The following PPP1R37 variants were observed in gnomAD, a reference collection of about 807,000 sequenced individuals.
PPP1R37 encodes leucine rich repeat containing 68.
In PPP1R37, 21 loss-of-function variants were observed where a neutral mutation model predicts 61.0. That is an observed-to-expected ratio of 0.34 (90% CI 0.24 to 0.50). The LOEUF is 0.50. PPP1R37 is among the 20% of genes least tolerant of loss of function. The probability of loss-of-function intolerance (pLI) is 0.98; values close to 1 mark genes in which losing one functional copy is unlikely to be tolerated. For synonymous variants in PPP1R37, 443 were observed against 433.5 expected, an observed-to-expected ratio of 1.02 and a Z score of -0.27; for missense variants, 910 against 952.7, an observed-to-expected ratio of 0.96 and a Z score of 0.59.
chr19:45,141,184 G>A (rs1968606527), intron 4 of PPP1R37, 138 bp from the exon 5 acceptor site: 2 of 952,678 alleles, frequency 2.1e-6, no homozygotes, highest in Admixed American at 3.2e-5. Context: ...GGCCCTGTCT[G>A]TGCTTGTCCT....
chr19:45,115,156 G>A (rs918323421), intron 1 of PPP1R37, among the ~76,000 whole-genome samples: 1 of 152,220 alleles, frequency 6.6e-6, no homozygotes, highest in African/African-American at 2.4e-5. Context: ...AGAGAGGGAA[G>A]TGTGGGAAAC....
rs1307807530 is a variant in PPP1R37 at position 45,142,445 on chromosome 19, C to T, written c.861C>T (p.His287=). Reference sequence around the variant, plus strand: ...AGATCCTGGACCTCCGGAACAACCACGTGCTAGACTCGGGTGGGTGCAGTG... The same window carrying T: ...AGATCCTGGACCTCCGGAACAACCATGTGCTAGACTCGGGTGGGTGCAGTG... ...SLQILDLRNN[H]VLDSGLAYIC... Residue 287 remains histidine (H), a synonymous_variant, in exon 7 of 13, where the codon CAC becomes CAT. Transcript: ENST00000221462. The T allele has an allele frequency of 1.8e-5, 28 of 1,535,956 alleles. No homozygotes were observed. The highest frequency in any genetic ancestry group is 1.7e-4 in the Middle Eastern group (1 of 6,012).
chr19:45,137,583 C>T (rs1968554516), intron 1 of PPP1R37, among the ~76,000 whole-genome samples: 1 of 152,200 alleles, frequency 6.6e-6, no homozygotes, highest in African/African-American at 2.4e-5. Flanking sequence ...AGGCCTGTCT[C>T]TTCCAACTGC....
Position 45,140,296 on chromosome 19 carries a change from A to AG in PPP1R37, c.346+19dup, listed in dbSNP as rs1968593564. On this transcript the variant is annotated intron_variant, in intron 3 of 12. Transcript: ENST00000221462. ...GGACCTGAAAGGTGTGTGTCTGGCT[A>AG]GGGGTTGAGAGCCCTTGGGTCATGG... The AG allele has an allele frequency of 6.5e-7, 1 of 1,535,116 alleles. No homozygotes were observed. The highest frequency in any genetic ancestry group is 2.0e-5 in the Admixed American group (1 of 50,958).
chr19:45,123,500 T>G (rs1968365683), intron 1 of PPP1R37, among the ~76,000 whole-genome samples: 1 of 152,234 alleles, frequency 6.6e-6, no homozygotes, highest in Admixed American at 6.5e-5. Flanking sequence ...TCTGTCCGGT[T>G]TGAAGCCGGG....
intron 1 of PPP1R37, among the ~76,000 whole-genome samples, chr19:45,093,929 G>T (rs1967957754): frequency 6.6e-6 from 1 of 152,202 alleles, no homozygotes; most frequent in South Asian, 2.1e-4. Context: ...AGAGTTTGAT[G>T]GGTCTATGGG....
intron 1 of PPP1R37, among the ~76,000 whole-genome samples, chr19:45,093,989 G>A (rs1325418650): frequency 6.6e-6 from 1 of 152,222 alleles, no homozygotes; most frequent in Non-Finnish European, 1.5e-5. Flanking sequence ...GCAAGGAGTG[G>A]TCGTGTTGGC....
In PPP1R37 at chr19:45,118,613, C is replaced by G. The variant is rs10419525; in HGVS notation, c.203-19901C>G. On this transcript the variant is annotated intron_variant, in intron 1 of 12. Transcript: ENST00000221462. ...AGTAAATGACAGCTGTCAGTGGACT[C>G]CCTGCCGAACGTTGGGACACCACAG... Among the ~76,000 whole-genome samples, 590 of 152,294 alleles carry G rather than the reference C, an allele frequency of 3.9e-3. 2 individuals carry two copies. The highest frequency in any genetic ancestry group is 0.014 in the African/African-American group (571 of 41,556).
At chr19:45,125,556 C>T (rs750741621) in intron 1 of PPP1R37, among the ~76,000 whole-genome samples, 1 of 152,212 alleles carries the variant, frequency 6.6e-6, no homozygotes, top group South Asian at 2.1e-4. Context: ...GCCAGTAGCT[C>T]TAGAAATGGG....
chr19:45,108,931 T>A (rs1968166872), intron 1 of PPP1R37: 1 of 152,162 alleles, frequency 6.6e-6, no homozygotes, highest in African/African-American at 2.4e-5. Context: ...TGAACTACCG[T>A]GCCTGGTCTT....
intron 1 of PPP1R37, among the ~76,000 whole-genome samples, chr19:45,119,191 G>C (rs1369327392): frequency 6.9e-6 from 1 of 144,760 alleles, no homozygotes; most frequent in Non-Finnish European, 1.5e-5. Context: ...CTTGCTCTCT[G>C]TCACCCAGGC....
chr19:45,142,723 C>T (rs1294633640), intron 7 of PPP1R37: 5 of 506,814 alleles, frequency 9.9e-6, no homozygotes, highest in Middle Eastern at 5.1e-4. Flanking sequence ...AGCTGACAGC[C>T]GCAGGATGAG....
chr19:45,145,523 C>T lies in PPP1R37; in HGVS notation c.1467C>T (p.Ala489=), dbSNP rs889127923. 2.7e-5 allele frequency: 42 copies of T among 1,534,152 alleles called. No homozygotes were observed. The highest frequency in any genetic ancestry group is 5.9e-5 in the Admixed American group (3 of 50,872). The change falls in exon 11 of 13, where the codon GCC becomes GCT. Residue 489 remains alanine, a synonymous_variant. Coordinates refer to ENST00000221462, the MANE Select transcript of PPP1R37 (RefSeq NM_019121.2). ...AGCCCCAGCCCGACGACGAGCCCGC[C>T]GCTGGGGTGCAGAACGGGGCCCCCA... ...ATEPQPDDEP[A]AGVQNGAPSP...
At chr19:45,132,000 CT>C (rs1325290791) in intron 1 of PPP1R37, among the ~76,000 whole-genome samples, 1 of 152,190 alleles carries the variant, frequency 6.6e-6, no homozygotes, top group Non-Finnish European at 1.5e-5. Context: ...GAACTCAGGT[CT>C]TCTTATTCCA....
chr19:45,111,198 G>C (rs1325969088), intron 1 of PPP1R37, among the ~76,000 whole-genome samples: 2 of 152,066 alleles, frequency 1.3e-5, no homozygotes, highest in Non-Finnish European at 2.9e-5. Flanking sequence ...TGTCTCCTCT[G>C]AGCCTTTGCA....
Position 45,145,545 on chromosome 19 carries a change from C to T in PPP1R37, c.1489C>T (p.Pro497Ser). 28 of 1,534,606 alleles carry T rather than the reference C, an allele frequency of 1.8e-5. No individual in the cohort carries two copies. The highest frequency in any genetic ancestry group is 2.3e-5 in the Non-Finnish European group (26 of 1,146,344). Residue 497 changes from proline (P) to serine (S), a missense_variant, in exon 11 of 13, where the codon CCC becomes TCC. By Grantham distance (74) the Pro-to-Ser change is moderately conservative. Transcript: ENST00000221462. Reference sequence around the variant, plus strand: ...CGCCGCTGGGGTGCAGAACGGGGCCCCCAGCCCCGCACCCAGCCCGGACTC... The same window carrying T: ...CGCCGCTGGGGTGCAGAACGGGGCCTCCAGCCCCGCACCCAGCCCGGACTC... ...EPAAGVQNGA[P>S]SPAPSPDSDS...
chr19:45,109,448 CT>C (rs1313326103), intron 1 of PPP1R37, among the ~76,000 whole-genome samples: 1 of 152,172 alleles, frequency 6.6e-6, no homozygotes, highest in Admixed American at 6.5e-5. Context: ...GAGGCCCGGC[CT>C]GGGAAAAGGG....
Position 45,145,812 on chromosome 19 carries a change from T to TCCCCCCCCCCCCCCC in PPP1R37, c.1761_1762insCCCCCCCCCCCCCCC (p.Pro587_Thr588insProProProProPro). On this transcript the variant is annotated inframe_insertion, in exon 11 of 13. Coordinates refer to ENST00000221462, the MANE Select transcript of PPP1R37 (RefSeq NM_019121.2). ...GCCCGAGAGGGCAGAGCCCCCTGCG[T>TCCCCCCCCCCCCCCC]CCCCCACCCCTCCCTCTCCCCCACC... The TCCCCCCCCCCCCCCC allele has an allele frequency of 2.4e-6, 3 of 1,227,582 alleles. No individual in the cohort carries two copies. The highest frequency in any genetic ancestry group is 2.2e-6 in the Non-Finnish European group (2 of 922,064). The allele number at this position is 1,227,582 out of a possible 1,614,324, so 76.0% of individuals were successfully genotyped here. A position where few individuals can be genotyped will look rare whatever the true frequency, so the allele number is the denominator to read the frequency against.
chr19:45,137,654 A>C (rs1488365839), intron 1 of PPP1R37, among the ~76,000 whole-genome samples: 1 of 152,018 alleles, frequency 6.6e-6, no homozygotes, highest in Non-Finnish European at 1.5e-5. Context: ...TTAGCTGTTG[A>C]GAGTGTTTTG....
Sources: gnomAD v4.1 joint callset for allele counts (sites outside exome capture counted in the v4.1 genomes callset) on GRCh38, gnomAD v4.1.1 for gene constraint, MANE v1.5 for transcripts, NCBI Gene and HGNC (gene_info 2026-07-23, HGNC 2026-07-21) for gene names.